The following ARHGEF4 variants were observed in gnomAD, a reference collection of about 807,000 sequenced individuals.
The protein encoded by ARHGEF4 is Rho guanine nucleotide exchange factor 4.
ARHGEF4 carries 119 observed loss-of-function variants against 162.0 expected under a neutral mutation model. That is an observed-to-expected ratio of 0.73 (90% CI 0.63 to 0.86). The LOEUF (loss-of-function observed/expected upper bound fraction) is 0.86. Ranked by LOEUF, ARHGEF4 falls within the 40% of genes least tolerant of loss-of-function variation. The pLI is 0.00. For missense variants in ARHGEF4, 2,488 were observed against 2,456.0 expected (o/e 1.01, Z -0.28); for synonymous variants, 1,014 against 979.9 (o/e 1.03, Z -0.65).
At chr2:130,974,636 A>C (rs949276449) in intron 4 of ARHGEF4, among the ~76,000 whole-genome samples, 1 of 117,930 alleles carries the variant, frequency 8.5e-6, no homozygotes, top group African/African-American at 3.0e-5. Flanking sequence ...TTTTTTTTGT[A>C]TTTTTTGTAG....
chr2:131,012,807 C>T (rs1688541606), intron 4 of ARHGEF4, among the ~76,000 whole-genome samples: 2 of 152,202 alleles, frequency 1.3e-5, no homozygotes, highest in Non-Finnish European at 2.9e-5. Context: ...TCTTGAACTC[C>T]TGACCTCAGG....
At chr2:130,930,719 T>A (rs1040054409) in intron 2 of ARHGEF4, among the ~76,000 whole-genome samples, 5 of 152,220 alleles carry the variant, frequency 3.3e-5, no homozygotes, top group Non-Finnish European at 7.3e-5. Context: ...CTAGATTTTT[T>A]AAAAAATACT....
chr2:130,926,052 T>TTTTCTTTCTTTC (rs1682257518), intron 2 of ARHGEF4, among the ~76,000 whole-genome samples: 1 of 98,278 alleles, frequency 1.0e-5, no homozygotes, highest in Admixed American at 1.0e-4. Flanking sequence ...TTCTTTCTCT[T>TTTTCTTTCTTTC]TCTTTCTTTC....
chr2:130,897,197 T>G (rs917956148), intron 1 of ARHGEF4, among the ~76,000 whole-genome samples: 3 of 152,214 alleles, frequency 2.0e-5, no homozygotes, highest in African/African-American at 7.2e-5. Flanking sequence ...CAGTAAAATG[T>G]ACGTGCCCTC....
Position 130,948,761 on chromosome 2 carries a change from G to T in ARHGEF4, c.3985+2126G>T, listed in dbSNP as rs533428565. Among the ~76,000 whole-genome samples, 106 of 152,280 alleles carry T rather than the reference G, an allele frequency of 7.0e-4. 1 individual carries two copies. Among genetic ancestry groups the T allele is most frequent in the Non-Finnish European group, 1.4e-3 (96 of 68,022 alleles). On this transcript the variant is annotated intron_variant, in intron 4 of 13. Transcript: ENST00000409359. ...ATCCCTCCATTTCCCTATATGTCAG[G>T]TTCCTTTTTTCTTTTTTTCTCAGAA...
chr2:130,888,818 C>T (rs13008158), intron 1 of ARHGEF4, among the ~76,000 whole-genome samples: 23,501 of 151,576 alleles, frequency 0.16, 2,169 homozygotes, highest in Admixed American at 0.23. Flanking sequence ...ATATGTCTGT[C>T]GGCCAGGCGC....
chr2:130,920,213 A>G (rs1681790414), intron 2 of ARHGEF4, among the ~76,000 whole-genome samples: 1 of 152,140 alleles, frequency 6.6e-6, no homozygotes, highest in South Asian at 2.1e-4. Context: ...GGCTCAAGCA[A>G]TCCTCTTGCC....
At chr2:130,843,563 T>A (rs1680748469) in intron 1 of ARHGEF4, among the ~76,000 whole-genome samples, 1 of 152,192 alleles carries the variant, frequency 6.6e-6, no homozygotes, top group African/African-American at 2.4e-5. Context: ...GCTATAGGCC[T>A]CCTCTCCCCC....
intron 5 of ARHGEF4, among the ~76,000 whole-genome samples, chr2:131,034,476 G>T (rs1220328663): frequency 2.6e-5 from 4 of 152,220 alleles, no homozygotes; most frequent in Non-Finnish European, 4.4e-5. Context: ...TCAGTGAAGA[G>T]GGGCCCCTCA....
chr2:130,977,025 A>C (rs1685771820), intron 4 of ARHGEF4, among the ~76,000 whole-genome samples: 1 of 147,172 alleles, frequency 6.8e-6, no homozygotes, highest in African/African-American at 2.5e-5. Context: ...AGTGTGTGTT[A>C]AGTGTGAATG....
chr2:131,016,476 A>G (rs1037290913), intron 4 of ARHGEF4, among the ~76,000 whole-genome samples: 3 of 152,202 alleles, frequency 2.0e-5, no homozygotes, highest in African/African-American at 7.2e-5. Flanking sequence ...AGTGCCCCCC[A>G]TGCCCAGATT....
intron 3 of ARHGEF4, among the ~76,000 whole-genome samples, chr2:130,945,216 TG>T (rs1683532816): frequency 6.6e-6 from 1 of 152,076 alleles, no homozygotes. Flanking sequence ...AGGCACTTCC[TG>T]GTGTCTAGGA....
intron 1 of ARHGEF4, among the ~76,000 whole-genome samples, chr2:130,873,924 T>C (rs1398607436): frequency 1.3e-5 from 2 of 152,172 alleles, no homozygotes; most frequent in Non-Finnish European, 2.9e-5. Flanking sequence ...TCTAACGTTT[T>C]CCTGGGTTGA....
intron 5 of ARHGEF4, among the ~76,000 whole-genome samples, chr2:131,032,765 C>A (rs1349011107): frequency 6.6e-6 from 1 of 151,846 alleles, no homozygotes; most frequent in Non-Finnish European, 1.5e-5. Flanking sequence ...GGCCACTCCC[C>A]TCCCTGGTGG....
intron 1 of ARHGEF4, among the ~76,000 whole-genome samples, chr2:130,889,285 A>G (rs1378750025): frequency 6.6e-6 from 1 of 152,064 alleles, no homozygotes; most frequent in Non-Finnish European, 1.5e-5. Flanking sequence ...TGACTTCTGC[A>G]GTACTCTTGT....
intron 1 of ARHGEF4, among the ~76,000 whole-genome samples, chr2:130,912,897 T>C (rs1281187264): frequency 6.6e-6 from 1 of 152,156 alleles, no homozygotes; most frequent in African/African-American, 2.4e-5. Context: ...CAATAAGATA[T>C]TTTGAGAGAG....
At chr2:130,946,121 G>A (rs12470817) in intron 3 of ARHGEF4, among the ~76,000 whole-genome samples, 82,030 of 152,060 alleles carry the variant, frequency 0.54, 26,396 homozygotes, top group East Asian at 0.84. Context: ...GAGATGTCAC[G>A]GATTTCGTGA....
chr2:131,001,353 G>A (rs1225581171), intron 4 of ARHGEF4, among the ~76,000 whole-genome samples: 5 of 146,438 alleles, frequency 3.4e-5, no homozygotes, highest in Admixed American at 6.9e-5. Context: ...GATGGATAAC[G>A]GGAAGACGGA....
At chr2:130,880,598 G>A (rs993989647) in intron 1 of ARHGEF4, among the ~76,000 whole-genome samples, 2 of 152,206 alleles carry the variant, frequency 1.3e-5, no homozygotes, top group African/African-American at 4.8e-5. Flanking sequence ...GCAGTGGCAA[G>A]ATCATAGCTC....
Sources: allele counts gnomAD v4.1 joint callset (sites outside exome capture counted in the v4.1 genomes callset), GRCh38; gene constraint gnomAD v4.1.1; transcripts MANE v1.5; gene names NCBI Gene and HGNC (gene_info 2026-07-23, HGNC 2026-07-21).